The following CCDC93 variants were observed in gnomAD, a reference collection of about 807,000 sequenced individuals.
The protein encoded by CCDC93 is coiled-coil domain-containing protein 93.
Under a neutral mutation model 108.2 loss-of-function variants are expected in CCDC93, and 61 were observed. The observed-to-expected ratio is 0.56, with a 90% CI of 0.46 to 0.70. CCDC93 has a LOEUF of 0.70. Ranked by LOEUF, CCDC93 falls within the 30% of genes least tolerant of loss-of-function variation. The pLI is 0.00. For missense variants in CCDC93, 685 were observed against 764.2 expected (o/e 0.90, Z 1.22); for synonymous variants, 276 against 260.4 (o/e 1.06, Z -0.58).
chr2:117,920,863 C>T (rs10490631), intron 23 of CCDC93, among the ~76,000 whole-genome samples: 10,445 of 152,168 alleles, frequency 0.069, 506 homozygotes, highest in Admixed American at 0.11. Context: ...TTAAGAAACT[C>T]AGAAAATAGG....
At chr2:117,954,822 C>T (rs1679166154) in intron 12 of CCDC93, among the ~76,000 whole-genome samples, 1 of 152,054 alleles carries the variant, frequency 6.6e-6, no homozygotes, top group Admixed American at 6.6e-5. Flanking sequence ...GGTGGTTTAC[C>T]CCATGGTGTT....
chr2:118,013,728 C>T (rs1677083174), intron 1 of CCDC93, among the ~76,000 whole-genome samples: 1 of 152,158 alleles, frequency 6.6e-6, no homozygotes, highest in Non-Finnish European at 1.5e-5. Context: ...CCAAGAGACC[C>T]GGGAGCGGCT....
Position 117,949,360 on chromosome 2 carries a change from T to C in CCDC93, c.1104A>G (p.Gln368=), listed in dbSNP as rs749332439. 3 of 1,613,846 alleles carry C rather than the reference T, an allele frequency of 1.9e-6. No individual in the cohort carries two copies. The highest frequency in any genetic ancestry group is 2.2e-5 in the South Asian group (2 of 91,076). ...TGGATTCTATCTTCTCGAGGGCTGC[T>C]TGCTCTTTGTCCAGTTTCTCACTGT... ...KTYSEKLDKE[Q]AALEKIESKA... is the part of the protein sequence containing the mutation. Residue 368 remains glutamine (Q), a synonymous_variant, in exon 14 of 24, where the codon CAA becomes CAG. Coordinates refer to ENST00000376300, the MANE Select transcript of CCDC93 (RefSeq NM_019044.5).
At chr2:117,937,255 C>T (rs1277886206) in intron 20 of CCDC93, among the ~76,000 whole-genome samples, 1 of 152,176 alleles carries the variant, frequency 6.6e-6, no homozygotes, top group African/African-American at 2.4e-5. Context: ...TGTTCAAGGC[C>T]CCGTGGACAC....
At chr2:117,974,020 T>C in intron 10 of CCDC93, 26 bp from the exon 11 acceptor site, 1 of 1,505,448 alleles carries the variant, frequency 6.6e-7, no homozygotes, top group Non-Finnish European at 9.2e-7. Flanking sequence ...GGGAATGTTC[T>C]CAAGGCCAAG....
rs184488148 is a variant in CCDC93 at position 117,986,149 on chromosome 2, G to A, written c.520-80C>T. The stretch of plus-strand genomic sequence containing the variant: ...TGGCTGCTGGATGCCTCCAGCCATG[G>A]GGTATATTCTCTTTTTTTTTTTTTT... On this transcript the variant is annotated intron_variant, in intron 6 of 23. Coordinates refer to ENST00000376300, the MANE Select transcript of CCDC93 (RefSeq NM_019044.5). 2,346 of 656,594 alleles carry A rather than the reference G, an allele frequency of 3.6e-3. 7 individuals carry two copies. The highest frequency in any genetic ancestry group is 5.0e-3 in the Non-Finnish European group (1,873 of 376,524). 40.7% of individuals were successfully genotyped at this position (656,594 alleles called of 1,614,324 possible).
At chr2:118,001,922 T>G (rs75717946) in intron 3 of CCDC93, among the ~76,000 whole-genome samples, 10,574 of 152,236 alleles carry the variant, frequency 0.069, 513 homozygotes, top group Admixed American at 0.11. Flanking sequence ...AAGATACTAT[T>G]CAGTGGTGTG....
chr2:117,945,766 T>G (rs1678851628), intron 16 of CCDC93, among the ~76,000 whole-genome samples, 184 bp from the exon 17 acceptor site: 1 of 152,086 alleles, frequency 6.6e-6, no homozygotes, highest in Admixed American at 6.6e-5. Context: ...AGCAGCAGAT[T>G]TTAAATTGTT....
chr2:117,988,326 G>T (rs946523381), intron 6 of CCDC93, among the ~76,000 whole-genome samples: 2 of 152,012 alleles, frequency 1.3e-5, no homozygotes, highest in African/African-American at 4.8e-5. Context: ...CTCAATGCAG[G>T]GAAGGGAGGT....
At chr2:118,004,325 G>A (rs1356561698) in intron 3 of CCDC93, among the ~76,000 whole-genome samples, 1 of 152,236 alleles carries the variant, frequency 6.6e-6, no homozygotes, top group Non-Finnish European at 1.5e-5. Context: ...TCTGGCCATA[G>A]GACCCTCTGT....
At chr2:117,965,892 AAAAC>A (rs1327948576) in intron 11 of CCDC93, among the ~76,000 whole-genome samples, 18 of 152,212 alleles carry the variant, frequency 1.2e-4, no homozygotes, top group African/African-American at 3.6e-4. Flanking sequence ...GCAGAAAAAA[AAAAC>A]AAAGACTTAA....
chr2:117,956,539 AG>A (rs1445986639), intron 12 of CCDC93, among the ~76,000 whole-genome samples: 2 of 152,188 alleles, frequency 1.3e-5, no homozygotes, highest in Non-Finnish European at 2.9e-5. Context: ...CACCATAATA[AG>A]GAAGACTCAT....
chr2:118,009,325 C>T (rs998791277), intron 1 of CCDC93, among the ~76,000 whole-genome samples: 4 of 151,982 alleles, frequency 2.6e-5, no homozygotes, highest in Middle Eastern at 3.2e-3. Context: ...GAGCCAAGAT[C>T]GTACCACCGT....
chr2:117,993,130 C>T (rs1307656300), intron 6 of CCDC93, among the ~76,000 whole-genome samples: 1 of 152,184 alleles, frequency 6.6e-6, no homozygotes. Context: ...GGCACTGTGG[C>T]TCACGCCTGT....
intron 20 of CCDC93, among the ~76,000 whole-genome samples, chr2:117,938,500 A>G (rs1678590585): frequency 6.6e-6 from 1 of 151,538 alleles, no homozygotes; most frequent in African/African-American, 2.4e-5. Context: ...TAACCTGCAA[A>G]TGTGCACATG....
intron 11 of CCDC93, among the ~76,000 whole-genome samples, chr2:117,973,525 G>A (rs762709610): frequency 1.3e-5 from 2 of 151,960 alleles, no homozygotes; most frequent in Admixed American, 6.6e-5. Context: ...CTGAGTTATG[G>A]GGTTTATCTC....
chr2:117,975,544 C>T (rs1384862392), intron 8 of CCDC93, among the ~76,000 whole-genome samples: 2 of 152,212 alleles, frequency 1.3e-5, no homozygotes, highest in African/African-American at 2.4e-5. Context: ...GCCTGACTTA[C>T]CCTTGCACTT....
chr2:117,956,275 A>C (rs916742106), intron 12 of CCDC93, among the ~76,000 whole-genome samples: 1 of 152,240 alleles, frequency 6.6e-6, no homozygotes, highest in Admixed American at 6.5e-5. Context: ...TGCTATGTTA[A>C]GCAGTATGCT....
At chr2:117,971,426 CAAA>C in intron 11 of CCDC93, among the ~76,000 whole-genome samples, 1 of 62,832 alleles carries the variant, frequency 1.6e-5, no homozygotes. Context: ...AATAAATAAA[CAAA>C]CGGGAAGGCT....
Sources: gnomAD v4.1 joint callset for allele counts (sites outside exome capture counted in the v4.1 genomes callset) on GRCh38, gnomAD v4.1.1 for gene constraint, MANE v1.5 for transcripts, NCBI Gene and HGNC (gene_info 2026-07-23, HGNC 2026-07-21) for gene names.